The following RPS3 variants were observed in gnomAD, a reference collection of about 807,000 sequenced individuals.
The protein encoded by RPS3 is ribosomal protein S3, also known as small ribosomal subunit protein uS3.
Under a neutral mutation model 25.8 loss-of-function variants are expected in RPS3, and 2 were observed. That is an observed-to-expected ratio of 0.08 (90% CI 0.03 to 0.24). The LOEUF is 0.24. Ranked by LOEUF, RPS3 falls within the 10% of genes least tolerant of loss-of-function variation. The pLI, the probability that RPS3 is intolerant of heterozygous loss-of-function variation, is 1.00. For missense variants in RPS3, 107 were observed against 307.1 expected (o/e 0.35, Z 4.87); for synonymous variants, 114 against 114.2 (o/e 1.00, Z 0.01).
chr11:75,417,904 A>G lies in RPS3; in HGVS notation c.*4-3823A>G, dbSNP rs552403982. On this transcript the variant is annotated intron_variant, in intron 6 of 6. Coordinates refer to the RPS3 transcript ENST00000527446. ...TGGGAAGGAAGGTGACTGTTAACCT[A>G]TGGAGATCAGCTTACTACTGTGTGA... 7.2e-5 allele frequency among the ~76,000 whole-genome samples: 11 copies of G among 152,316 alleles called. No individual in the cohort carries two copies. In the South Asian group the frequency reaches 1.4e-3, roughly 20 times the overall value.
chr11:75,402,152 CACT>C (rs1948219299), intron 3 of RPS3, 197 bp from the exon 4 acceptor site: 2 of 693,862 alleles, frequency 2.9e-6, no homozygotes, highest in East Asian at 2.8e-5. Context: ...TCTTGGGCCA[CACT>C]ACTACTGGTA....
At chr11:75,418,659 G>A (rs1452711773) in intron 6 of RPS3, among the ~76,000 whole-genome samples, 1 of 152,144 alleles carries the variant, frequency 6.6e-6, no homozygotes, top group Non-Finnish European at 1.5e-5. Flanking sequence ...CTTCCAATTT[G>A]AGAACACGTA....
chr11:75,403,403 A>C (rs1473409708), intron 4 of RPS3: 1 of 152,258 alleles, frequency 6.6e-6, no homozygotes. Flanking sequence ...TCAGTTGTGG[A>C]ATATTAAGTA....
intron 6 of RPS3, among the ~76,000 whole-genome samples, chr11:75,420,190 T>C (rs1948431606): frequency 6.6e-6 from 1 of 152,198 alleles, no homozygotes; most frequent in South Asian, 2.1e-4. Flanking sequence ...GTGTCCAAAG[T>C]GCAGTGGATT....
chr11:75,420,060 T>C (rs150479645), intron 6 of RPS3, among the ~76,000 whole-genome samples: 8 of 152,362 alleles, frequency 5.3e-5, no homozygotes, highest in Admixed American at 5.2e-4. Context: ...GTGAAGTCTC[T>C]TATGTTCTCA....
Position 75,404,033 on chromosome 11 carries a change from G to T in RPS3, c.364G>T (p.Val122Leu). The change falls in exon 5 of 7, where the codon GTG (valine) becomes TTG (leucine). Residue 122 changes from valine (V) to leucine (L), a missense_variant. Coordinates refer to ENST00000531188, the MANE Select transcript of RPS3 (RefSeq NM_001005.5). This position sits in a 1 kb window ranked among gnomAD's most constrained non-coding sequence, Gnocchi z 4.6. ...GLAVRRACYG[V>L]LRFIMESGAK... ...GTTCTTTTAAAGGGCCTGCTATGGT[G>T]TGCTGCGGTTCATCATGGAGAGTGG... The T allele has an allele frequency of 6.2e-7, 1 of 1,612,596 alleles. No individual in the cohort carries two copies. Among genetic ancestry groups the T allele is most frequent in the Non-Finnish European group, 8.5e-7 (1 of 1,180,004 alleles).
chr11:75,412,221 C>T (rs1221000473), intron 6 of RPS3, among the ~76,000 whole-genome samples: 3 of 152,168 alleles, frequency 2.0e-5, no homozygotes, highest in African/African-American at 7.2e-5. Context: ...TGATCTGGCT[C>T]TTGCTGTTGT....
chr11:75,400,166 T>C (rs1948185845), intron 1 of RPS3, among the ~76,000 whole-genome samples: 2 of 152,178 alleles, frequency 1.3e-5, no homozygotes, highest in Admixed American at 1.3e-4. Flanking sequence ...ATCCACAACT[T>C]CTCGAGAGTT....
chr11:75,412,672 G>A (rs1948367669), intron 6 of RPS3, among the ~76,000 whole-genome samples: 1 of 152,214 alleles, frequency 6.6e-6, no homozygotes, highest in Admixed American at 6.5e-5. Flanking sequence ...AGGGCCAGGG[G>A]TCACAGGAAA....
intron 6 of RPS3, among the ~76,000 whole-genome samples, chr11:75,416,962 C>T (rs1173160324): frequency 1.3e-5 from 2 of 152,058 alleles, no homozygotes; most frequent in Admixed American, 1.3e-4. Context: ...CTTATAACAC[C>T]CAGACTGGTA....
intron 1 of RPS3, chr11:75,400,265 G>T (rs990336007): frequency 2.3e-6 from 1 of 435,062 alleles, no homozygotes; most frequent in Non-Finnish European, 4.5e-6. Flanking sequence ...AAGTGAGAGA[G>T]CTTATATGTT....
At chr11:75,410,035 C>T (rs1592029114), downstream of RPS3, among the ~76,000 whole-genome samples, 1 of 142,942 alleles carries the variant, frequency 7.0e-6, no homozygotes, top group African/African-American at 2.6e-5. Flanking sequence ...GCGCCCCTCA[C>T]CTCCCGGACG....
chr11:75,414,298 C>T (rs578247509), intron 6 of RPS3, among the ~76,000 whole-genome samples: 1 of 152,238 alleles, frequency 6.6e-6, no homozygotes, highest in South Asian at 2.1e-4. Flanking sequence ...GGGCTGAAGC[C>T]TTTCATGGAC....
rs1222951081 is a variant in RPS3 at position 75,417,000 on chromosome 11, AT to A, written c.*4-4724del. ...ACTCTCTGTTATTAGCCAAAGCTAC[AT>A]TTATAGCGTAAGCATGACCATGGTG... On this transcript the variant is annotated intron_variant, in intron 6 of 6. Coordinates refer to the RPS3 transcript ENST00000527446. Among the ~76,000 whole-genome samples the A allele has an allele frequency of 2.0e-5, 3 of 152,220 alleles. No homozygotes were observed. The South Asian group carries it at 6.2e-4, about 31-fold the overall frequency.
intron 1 of RPS3, 80 bp from the exon 2 acceptor site, chr11:75,400,614 A>G: frequency 1.3e-6 from 2 of 1,581,120 alleles, no homozygotes; most frequent in Non-Finnish European, 1.7e-6. Context: ...GGATGCATTG[A>G]CTAATAAGAC....
chr11:75,406,685 C>T lies in RPS3; in HGVS notation c.*1075C>T, dbSNP rs1021769399. ...ATTTAAGTGTACACTTCTATAGTGA[C>T]AGAGTTAGCCCTCTGTCCAAGGGAT... On this transcript the variant is annotated 3_prime_UTR_variant, in exon 7 of 7. Transcript: ENST00000531188. The T allele has an allele frequency of 6.6e-6, 1 of 152,126 alleles. No homozygotes were observed. Among genetic ancestry groups the T allele is most frequent in the African/African-American group, 2.4e-5 (1 of 41,400 alleles). 9.4% of individuals were successfully genotyped at this position (152,126 alleles called of 1,614,324 possible). A position where few individuals can be genotyped will look rare whatever the true frequency, so the allele number is the denominator to read the frequency against.
Position 75,406,624 on chromosome 11 carries a change from C to G in RPS3, c.*1014C>G, listed in dbSNP as rs1442643575. The stretch of plus-strand genomic sequence containing the variant: ...GTACACTGACAAGTATCTGACCCCC[C>G]CTTCCTTTTTGACTCATAAATTGGT... On this transcript the variant is annotated 3_prime_UTR_variant, in exon 7 of 7. Transcript: ENST00000531188. 2 of 152,140 alleles carry G rather than the reference C, an allele frequency of 1.3e-5. No homozygotes were observed. The highest frequency in any genetic ancestry group is 2.4e-5 in the African/African-American group (1 of 41,424). 9.4% of individuals were successfully genotyped at this position (152,140 alleles called of 1,614,324 possible). A position where few individuals can be genotyped will look rare whatever the true frequency, so the allele number is the denominator to read the frequency against.
intron 3 of RPS3, chr11:75,402,042 A>G: frequency 1.8e-6 from 1 of 545,276 alleles, no homozygotes; most frequent in South Asian, 2.3e-5. Flanking sequence ...TGTAGGTGGT[A>G]GAAGTGCTTT....
chr11:75,409,818 A>AC (rs775450824), downstream of RPS3, among the ~76,000 whole-genome samples: 32,344 of 130,404 alleles, frequency 0.25, 4,929 homozygotes, highest in African/African-American at 0.51. Context: ...CGGGGGGCTG[A>AC]CCCCCCCACC....
Sources: gnomAD v4.1 joint callset for allele counts (sites outside exome capture counted in the v4.1 genomes callset) on GRCh38, gnomAD v4.1.1 for gene constraint, Gnocchi (gnomAD v3.1) non-coding constraint, MANE v1.5 for transcripts, NCBI Gene and HGNC (gene_info 2026-07-23, HGNC 2026-07-21) for gene names.